The following DAP variants were observed in gnomAD, a reference collection of about 807,000 sequenced individuals.
DAP encodes the protein death-associated protein 1.
DAP carries 8 observed loss-of-function variants against 13.8 expected under a neutral mutation model. That is an observed-to-expected ratio of 0.58 (90% confidence interval 0.34 to 1.05). DAP has a LOEUF of 1.05. Among genes scored for constraint, DAP ranks in the 50% least tolerant of loss-of-function variants. The probability of loss-of-function intolerance (pLI) is 0.03; values close to 1 mark genes in which losing one functional copy is unlikely to be tolerated. For missense variants in DAP, 106 were observed against 133.2 expected (o/e 0.80, Z 1.01); for synonymous variants, 47 against 47.5 (o/e 0.99, Z 0.04).
chr5:10,753,519 G>A (rs1740097817), intron 1 of DAP, among the ~76,000 whole-genome samples: 1 of 152,242 alleles, frequency 6.6e-6, no homozygotes, highest in African/African-American at 2.4e-5. Context: ...GTCACATCTG[G>A]GAGGTAAGCA....
intron 1 of DAP, among the ~76,000 whole-genome samples, chr5:10,750,151 T>C (rs1280742666): frequency 6.6e-6 from 1 of 152,112 alleles, no homozygotes; most frequent in Admixed American, 6.6e-5. Flanking sequence ...AACATCACGA[T>C]ACAGTCAACT....
chr5:10,757,554 G>A (rs1279533368), intron 1 of DAP, among the ~76,000 whole-genome samples: 6 of 152,180 alleles, frequency 3.9e-5, no homozygotes, highest in Admixed American at 2.0e-4. Context: ...GATTATAGGC[G>A]TGAGCCACGA....
At chr5:10,714,805 G>A (rs1267046782) in intron 2 of DAP, among the ~76,000 whole-genome samples, 3 of 152,250 alleles carry the variant, frequency 2.0e-5, no homozygotes, top group African/African-American at 7.2e-5. Flanking sequence ...TTGTTTAAAA[G>A]TGTGTAATAC....
intron 2 of DAP, among the ~76,000 whole-genome samples, chr5:10,719,286 G>A (rs1303976644): frequency 1.3e-5 from 2 of 152,178 alleles, no homozygotes; most frequent in African/African-American, 4.8e-5. Flanking sequence ...TTTGAGTGGG[G>A]TCCAGAACAG....
intron 3 of DAP, 41 bp downstream of exon 3, chr5:10,683,488 T>C (rs756468090): frequency 1.2e-6 from 2 of 1,601,944 alleles, no homozygotes; most frequent in Non-Finnish European, 8.6e-7. Context: ...CATGCTGCCA[T>C]GCAAAAGCCT....
rs1325806564 is a variant in DAP, at chr5:10,707,893, C to T, written c.153-24322G>A. 6.6e-6 allele frequency among the ~76,000 whole-genome samples: 1 copy of T among 152,130 alleles called. No individual in the cohort carries two copies. Among genetic ancestry groups the T allele is most frequent in the East Asian group, 1.9e-4 (1 of 5,186 alleles). ...CTCCATGAATCACATTAATTTGGTGCCTCACCCCATGCTGTCGCTACCTCC... is the reference window on the plus strand; with the variant it reads ...CTCCATGAATCACATTAATTTGGTGTCTCACCCCATGCTGTCGCTACCTCC... On this transcript the variant is annotated intron_variant, in intron 2 of 3. Coordinates refer to ENST00000230895, the MANE Select transcript of DAP (RefSeq NM_004394.3). The surrounding 1 kb of genome is among the most constrained non-coding windows in gnomAD (Gnocchi z 4.0).
At position 10,695,217 on chromosome 5, in the gene DAP, GACA is replaced by G. The variant is rs1425329058; in HGVS notation, c.153-11649_153-11647del. On this transcript the variant is annotated intron_variant, in intron 2 of 3. Transcript: ENST00000230895. ...CCTCCTTCAGCCTGGCTTCAGCACT[GACA>G]ACATTTCCACAAGATGGCACTGCTG... Among the ~76,000 whole-genome samples, 13 of 152,306 alleles carry G rather than the reference GACA, an allele frequency of 8.5e-5. No homozygotes were observed. The South Asian group carries it at 1.9e-3, about 22-fold the overall frequency.
intron 2 of DAP, among the ~76,000 whole-genome samples, chr5:10,712,448 C>T (rs76844510): frequency 0.022 from 3,360 of 152,166 alleles, 91 homozygotes; most frequent in African/African-American, 0.071. Context: ...CTGGAAGGAC[C>T]GGCACAATTC....
At chr5:10,754,472 C>T (rs566595010) in intron 1 of DAP, among the ~76,000 whole-genome samples, 11 of 152,304 alleles carry the variant, frequency 7.2e-5, no homozygotes, top group Admixed American at 3.3e-4. Flanking sequence ...TTAAATTACA[C>T]GGAGCAACCC....
chr5:10,722,530 G>A (rs1274815782), intron 2 of DAP, among the ~76,000 whole-genome samples: 1 of 146,818 alleles, frequency 6.8e-6, no homozygotes, highest in African/African-American at 2.5e-5. Flanking sequence ...ACATATACAT[G>A]CATATATATA....
chr5:10,702,839 T>C (rs1738615587), intron 2 of DAP, among the ~76,000 whole-genome samples: 2 of 152,170 alleles, frequency 1.3e-5, no homozygotes, highest in African/African-American at 2.4e-5. Context: ...TAGCTCATCT[T>C]GTTAAGAAAG....
rs1468098613 is a variant in DAP at position 10,707,121 on chromosome 5, C to T, written c.153-23550G>A. ...TGCAACGTCTGAGGTGGCTGGGGCT[C>T]AATGTCAAATGAATAATGAAAACTC... is the stretch of plus-strand genomic sequence containing the variant. On this transcript the variant is annotated intron_variant, in intron 2 of 3. Coordinates refer to ENST00000230895, the MANE Select transcript of DAP (RefSeq NM_004394.3). The surrounding 1 kb of genome is among the most constrained non-coding windows in gnomAD (Gnocchi z 4.0). Among the ~76,000 whole-genome samples the T allele has an allele frequency of 1.3e-5, 2 of 152,134 alleles. No homozygotes were observed. Among genetic ancestry groups the T allele is most frequent in the Non-Finnish European group, 2.9e-5 (2 of 68,022 alleles).
chr5:10,725,136 C>T (rs916123316), intron 2 of DAP, among the ~76,000 whole-genome samples: 10 of 152,230 alleles, frequency 6.6e-5, no homozygotes, highest in Admixed American at 5.9e-4. Flanking sequence ...GCCCATTTGG[C>T]ACCACCCTTC....
At chr5:10,708,815 C>A (rs1234209584) in intron 2 of DAP, among the ~76,000 whole-genome samples, 1 of 152,236 alleles carries the variant, frequency 6.6e-6, no homozygotes, top group African/African-American at 2.4e-5. Flanking sequence ...GCACCTCTAA[C>A]TAGGGTGCAG....
chr5:10,708,686 C>T (rs1453204451), intron 2 of DAP, among the ~76,000 whole-genome samples: 5 of 152,150 alleles, frequency 3.3e-5, no homozygotes, highest in South Asian at 2.1e-4. Flanking sequence ...TCTTTGTCAT[C>T]GTAAGCAATG....
At chr5:10,756,480 T>C (rs1454731407) in intron 1 of DAP, among the ~76,000 whole-genome samples, 2 of 152,236 alleles carry the variant, frequency 1.3e-5, no homozygotes, top group Non-Finnish European at 2.9e-5. Flanking sequence ...TATCAATTAG[T>C]GTAAGAGAGA....
intron 2 of DAP, among the ~76,000 whole-genome samples, chr5:10,722,629 T>C (rs1231277104): frequency 3.3e-5 from 5 of 149,262 alleles, no homozygotes; most frequent in African/African-American, 9.9e-5. Context: ...TATACACACA[T>C]ATATATACAT....
At position 10,735,396 on chromosome 5, in the gene DAP, G is replaced by A. The variant is rs528755412; in HGVS notation, c.152+12779C>T. On this transcript the variant is annotated intron_variant, in intron 2 of 3. Coordinates refer to ENST00000230895, the MANE Select transcript of DAP (RefSeq NM_004394.3). ...TAGATTTACATCCTGAATCATTAACGAGAAATCCCATCTCAAGGGTATCTG... is the reference window on the plus strand; with the variant it reads ...TAGATTTACATCCTGAATCATTAACAAGAAATCCCATCTCAAGGGTATCTG... Among the ~76,000 whole-genome samples the A allele has an allele frequency of 2.6e-5, 4 of 152,286 alleles. No individual in the cohort carries two copies. In the South Asian group the frequency reaches 8.3e-4, roughly 32 times the overall value.
At chr5:10,685,356 G>C (rs1738131641) in intron 2 of DAP, among the ~76,000 whole-genome samples, 1 of 102,734 alleles carries the variant, frequency 9.7e-6, no homozygotes, top group African/African-American at 4.7e-5. Flanking sequence ...AAGTTTAAAA[G>C]TCCCGCCACG....
Sources: gnomAD v4.1 joint callset for allele counts (sites outside exome capture counted in the v4.1 genomes callset) on GRCh38, gnomAD v4.1.1 for gene constraint, Gnocchi (gnomAD v3.1) non-coding constraint, MANE v1.5 for transcripts, NCBI Gene and HGNC (gene_info 2026-07-23, HGNC 2026-07-21) for gene names.